Variants in ZNF407 observed in about 807,000 individuals in gnomAD.
The protein encoded by ZNF407 is zinc finger protein 407.
In ZNF407, 17 loss-of-function variants were observed where a neutral mutation model predicts 131.2. The observed-to-expected ratio is 0.13, with a 90% CI of 0.09 to 0.19. The LOEUF is 0.19. ZNF407 is among the 10% of genes least tolerant of loss of function. The probability of loss-of-function intolerance (pLI) is 1.00; values close to 1 mark genes in which losing one functional copy is unlikely to be tolerated. For synonymous variants in ZNF407, 1,156 were observed against 1,062.0 expected, an observed-to-expected ratio of 1.09 and a Z score of -1.72; for missense variants, 2,681 against 2,830.6, an observed-to-expected ratio of 0.95 and a Z score of 1.20.
intron 7 of ZNF407, among the ~76,000 whole-genome samples, chr18:74,914,238 G>A (rs1445202814): frequency 2.6e-5 from 4 of 152,222 alleles, no homozygotes; most frequent in Non-Finnish European, 1.5e-5. Flanking sequence ...TGAGGGCCAG[G>A]AGAGGTTCTT....
At chr18:74,984,978 T>G (rs1207981488) in intron 8 of ZNF407, among the ~76,000 whole-genome samples, 2 of 152,234 alleles carry the variant, frequency 1.3e-5, no homozygotes, top group Admixed American at 6.5e-5. Context: ...TTACAGTATT[T>G]TTAGAATTTT....
At chr18:74,702,725 A>G (rs938374349) in intron 3 of ZNF407, among the ~76,000 whole-genome samples, 3 of 152,202 alleles carry the variant, frequency 2.0e-5, no homozygotes, top group Non-Finnish European at 4.4e-5. Flanking sequence ...ATATTTCCCT[A>G]TAAACATTGA....
intron 4 of ZNF407, among the ~76,000 whole-genome samples, chr18:74,871,522 A>G (rs1423308978): frequency 6.6e-6 from 1 of 152,098 alleles, no homozygotes; most frequent in East Asian, 1.9e-4. Flanking sequence ...TTTTTTTTTA[A>G]CATTAGTGTA....
chr18:74,951,744 T>G (rs922309330), intron 8 of ZNF407, among the ~76,000 whole-genome samples: 1 of 152,148 alleles, frequency 6.6e-6, no homozygotes, highest in African/African-American at 2.4e-5. Flanking sequence ...AGTCTGTGTG[T>G]TTTTTATGGG....
chr18:74,671,593 T>A (rs945266544), intron 3 of ZNF407, among the ~76,000 whole-genome samples: 2 of 152,232 alleles, frequency 1.3e-5, no homozygotes, highest in South Asian at 4.1e-4. Flanking sequence ...CTTTCACTTA[T>A]AAGTGAGAAC....
chr18:74,604,594 C>G (rs1452348507), intron 1 of ZNF407, among the ~76,000 whole-genome samples: 3 of 152,200 alleles, frequency 2.0e-5, no homozygotes, highest in African/African-American at 4.8e-5. Flanking sequence ...GTAGACACAG[C>G]CTTATCTTTG....
Position 74,637,975 on chromosome 18 carries a change from C to CT in ZNF407, c.4687+2272dup, listed in dbSNP as rs541447413. ...ACATGACCAGAAAGGGCAGTCTTCCCTTTCACATTACATTAGCAGGACTAA... is the reference window on the plus strand; with the variant it reads ...ACATGACCAGAAAGGGCAGTCTTCCCTTTTCACATTACATTAGCAGGACTAA... On this transcript the variant is annotated intron_variant, in intron 2 of 8. Transcript: ENST00000299687. 5.8e-4 allele frequency among the ~76,000 whole-genome samples: 89 copies of CT among 152,344 alleles called. No individual in the cohort carries two copies. The East Asian group carries it at 0.011, about 19-fold the overall frequency.
chr18:74,716,526 C>G (rs1200355479), intron 3 of ZNF407, among the ~76,000 whole-genome samples: 1 of 152,088 alleles, frequency 6.6e-6, no homozygotes, highest in East Asian at 1.9e-4. Context: ...TAAGGCAACT[C>G]TAGGACAGCC....
intron 8 of ZNF407, among the ~76,000 whole-genome samples, chr18:74,935,941 C>T (rs763068214): frequency 6.6e-6 from 1 of 152,074 alleles, no homozygotes; most frequent in African/African-American, 2.4e-5. Context: ...CCTTTTCTCC[C>T]TGTATGTAAT....
chr18:74,835,626 G>GA (rs1970544913), intron 4 of ZNF407, among the ~76,000 whole-genome samples: 1 of 58,754 alleles, frequency 1.7e-5, no homozygotes, highest in Admixed American at 1.9e-4. Flanking sequence ...TTGGACAGAG[G>GA]GGGGTGTGTG....
At chr18:74,676,642 G>T (rs558722433) in intron 3 of ZNF407, among the ~76,000 whole-genome samples, 5 of 151,762 alleles carry the variant, frequency 3.3e-5, no homozygotes, top group Non-Finnish European at 4.4e-5. Flanking sequence ...CACCGTGTTA[G>T]CCAGGATGGT....
chr18:74,663,134 T>A (rs79587340), intron 3 of ZNF407, among the ~76,000 whole-genome samples: 2 of 152,180 alleles, frequency 1.3e-5, no homozygotes, highest in African/African-American at 4.8e-5. Context: ...AGTTTTTTTT[T>A]AAGTAAAAAC....
Position 74,877,287 on chromosome 18 carries a change from T to C in ZNF407, c.4968T>C (p.Phe1656=). The change falls in exon 5 of 9, where the codon TTT becomes TTC. Residue 1656 remains phenylalanine, a synonymous_variant. Coordinates refer to ENST00000299687, the MANE Select transcript of ZNF407 (RefSeq NM_017757.3). ...AACTCCACACGGGAGAAAAGCCGTT[T>C]AAATGTACCTGGCCCACGTGCCATT... is the stretch of plus-strand genomic sequence containing the variant. ...HMKLHTGEKP[F]KCTWPTCHYS... is the part of the protein sequence containing the mutation. 1 of 1,614,028 alleles carries C rather than the reference T, an allele frequency of 6.2e-7. No homozygotes were observed. The highest frequency in any genetic ancestry group is 1.7e-4 in the Middle Eastern group (1 of 6,022).
intron 8 of ZNF407, among the ~76,000 whole-genome samples, chr18:75,051,996 G>A (rs2122266566): frequency 6.6e-6 from 1 of 152,298 alleles, no homozygotes; most frequent in Middle Eastern, 3.4e-3. Flanking sequence ...CCTCCACCCA[G>A]AATGCCATAG....
chr18:74,706,940 C>CCTTTTTTTTTTTTTTTTTT (rs1967637808), intron 3 of ZNF407, among the ~76,000 whole-genome samples: 3 of 132,350 alleles, frequency 2.3e-5, no homozygotes, highest in Non-Finnish European at 4.8e-5. Flanking sequence ...AAGACAGCAG[C>CCTTTTTTTTTTTTTTTTTT]TTTTTTTTTT....
At chr18:74,894,533 G>T (rs565182190) in intron 7 of ZNF407, among the ~76,000 whole-genome samples, 48 of 152,148 alleles carry the variant, frequency 3.2e-4, no homozygotes, top group African/African-American at 9.2e-4. Flanking sequence ...GAACTACATT[G>T]TGTTTCACTC....
At chr18:74,833,959 T>G (rs1234215833) in intron 4 of ZNF407, among the ~76,000 whole-genome samples, 2 of 152,208 alleles carry the variant, frequency 1.3e-5, no homozygotes, top group African/African-American at 4.8e-5. Flanking sequence ...TAGCAAAGGA[T>G]TGTGTAGCTG....
intron 4 of ZNF407, among the ~76,000 whole-genome samples, chr18:74,781,799 G>A (rs906470783): frequency 6.6e-5 from 10 of 152,086 alleles, no homozygotes; most frequent in African/African-American, 2.4e-4. Context: ...AAATGCATTC[G>A]AGTGTGATAA....
chr18:74,639,741 T>C (rs527723513), intron 2 of ZNF407, among the ~76,000 whole-genome samples: 75 of 152,354 alleles, frequency 4.9e-4, no homozygotes, highest in African/African-American at 1.8e-3. Flanking sequence ...CTTAGTACTG[T>C]TGACTTTTTT....
Sources: gnomAD v4.1 joint callset for allele counts (sites outside exome capture counted in the v4.1 genomes callset) on GRCh38, gnomAD v4.1.1 for gene constraint, MANE v1.5 for transcripts, NCBI Gene and HGNC (gene_info 2026-07-23, HGNC 2026-07-21) for gene names.